SMARCA1: variants seen among roughly 807,000 people sequenced by gnomAD.
SMARCA1 encodes the protein SNF2 related chromatin remodeling ATPase 1.
A neutral mutation model predicts 93.6 loss-of-function variants in SMARCA1; 17 were observed. That is an observed-to-expected ratio of 0.18 (90% confidence interval 0.12 to 0.27). The LOEUF is 0.27. Among genes scored for constraint, SMARCA1 ranks in the 10% least tolerant of loss-of-function variants. The pLI is 1.00. For synonymous variants in SMARCA1, 271 were observed against 271.4 expected (o/e 1.00, Z 0.01); for missense variants, 630 against 819.0 (o/e 0.77, Z 2.82).
chrX:129,501,955 G>A (rs935182067), intron 9 of SMARCA1, among the ~76,000 whole-genome samples: 4 of 111,809 alleles, frequency 3.6e-5, no homozygotes, highest in African/African-American at 1.3e-4. Flanking sequence ...TTCCAAGTCT[G>A]CTGTGGAAAT....
chrX:129,502,501 G>C (rs1036620591), intron 9 of SMARCA1, among the ~76,000 whole-genome samples: 11 of 111,829 alleles, frequency 9.8e-5, no homozygotes, highest in Admixed American at 2.9e-4. Context: ...AGCGTACCCT[G>C]AATTCAGCAA....
rs760133031 is a variant in SMARCA1, at chrX:129,508,225, T to C, written c.811-129A>G. 9 of 433,251 alleles carry C rather than the reference T, an allele frequency of 2.1e-5. No individual in the cohort carries two copies. The Admixed American group carries it at 4.7e-4, about 23-fold the overall frequency. The allele number at this position is 433,251 out of a possible 1,213,427, so 35.7% of individuals were successfully genotyped here. A position where few individuals can be genotyped will look rare whatever the true frequency, so the allele number is the denominator to read the frequency against. ...AGACCCTGAGGATCATTTAGTTTCATCCATTTTAGAGATGGGAAAACTGAG... is the reference window on the plus strand; with the variant it reads ...AGACCCTGAGGATCATTTAGTTTCACCCATTTTAGAGATGGGAAAACTGAG... On this transcript the variant is annotated intron_variant, in intron 6 of 24. Transcript: ENST00000371121.
chrX:129,471,457 G>A (rs1222996232), intron 19 of SMARCA1, 131 bp from the exon 20 acceptor site: 4 of 419,641 alleles, frequency 9.5e-6, no homozygotes, highest in Admixed American at 4.4e-5. Flanking sequence ...AATGACACAC[G>A]GTCCTCTCCA....
chrX:129,486,663 A>G (rs2124264426), intron 17 of SMARCA1, among the ~76,000 whole-genome samples: 1 of 111,061 alleles, frequency 9.0e-6, no homozygotes, highest in East Asian at 2.8e-4. Context: ...AATTGAGAAT[A>G]CCCAGAGTCA....
intron 17 of SMARCA1, among the ~76,000 whole-genome samples, chrX:129,486,532 A>G (rs183709859): frequency 6.0e-4 from 67 of 111,984 alleles, no homozygotes; most frequent in Non-Finnish European, 1.2e-3. Context: ...TAATATTATT[A>G]TTCATACAGT....
intron 19 of SMARCA1, among the ~76,000 whole-genome samples, chrX:129,475,502 G>C (rs1352679801): frequency 9.0e-6 from 1 of 111,086 alleles, no homozygotes; most frequent in Non-Finnish European, 1.9e-5. Flanking sequence ...CTCAGCAAGA[G>C]AGTGAGACTC....
chrX:129,453,854 T>C (rs1394030459), intron 23 of SMARCA1, among the ~76,000 whole-genome samples: 1 of 111,659 alleles, frequency 9.0e-6, no homozygotes, highest in Non-Finnish European at 1.9e-5. Flanking sequence ...ATCGTGAAAA[T>C]GGCCATACTG....
intron 11 of SMARCA1, 123 bp downstream of exon 11, chrX:129,497,722 G>A: frequency 2.1e-6 from 1 of 472,081 alleles, no homozygotes; most frequent in East Asian, 3.7e-5. Flanking sequence ...ACAATTCCTG[G>A]CAAATGGTAA....
In SMARCA1 at chrX:129,498,088, T is replaced by C. The variant is rs1458259410; in HGVS notation, c.1278-17A>G. On this transcript the variant is annotated splice_polypyrimidine_tract_variant and intron_variant, in intron 10 of 24. Coordinates refer to ENST00000371121, the MANE Select transcript of SMARCA1 (RefSeq NM_001282874.2). The stretch of plus-strand genomic sequence containing the variant: ...TTTGTATACCTAAAAATTTAAACTA[T>C]AATTAATCATCAATTACTAGAAAGT... 5 of 928,244 alleles carry C rather than the reference T, an allele frequency of 5.4e-6. No individual in the cohort carries two copies. Among genetic ancestry groups the C allele is most frequent in the South Asian group, 2.0e-5 (1 of 49,956 alleles). The allele number at this position is 928,244 out of a possible 1,213,427, so 76.5% of individuals were successfully genotyped here.
intron 17 of SMARCA1, among the ~76,000 whole-genome samples, chrX:129,484,768 T>C (rs746226450): frequency 9.0e-6 from 1 of 111,434 alleles, no homozygotes; most frequent in East Asian, 2.8e-4. Flanking sequence ...TAAATACATA[T>C]AGATGGAATG....
chrX:129,515,583 T>C, intron 5 of SMARCA1, 104 bp downstream of exon 5: 1 of 541,510 alleles, frequency 1.8e-6, no homozygotes, highest in Non-Finnish European at 3.2e-6. Flanking sequence ...TAACAACTTT[T>C]AAAAAGCCTC....
At chrX:129,504,641 C>A in intron 9 of SMARCA1, 93 bp downstream of exon 9, 2 of 388,720 alleles carry the variant, frequency 5.1e-6, no homozygotes, top group Non-Finnish European at 8.4e-6. Flanking sequence ...AAGAGGCAAA[C>A]ACAAGTTCAA....
At chrX:129,481,773 C>T (rs992048526) in intron 17 of SMARCA1, among the ~76,000 whole-genome samples, 7 of 111,512 alleles carry the variant, frequency 6.3e-5, no homozygotes, top group South Asian at 3.8e-4. Flanking sequence ...GTCAGTGTGG[C>T]GATTCCTCAG....
At chrX:129,469,473 A>G (rs1477173599) in intron 20 of SMARCA1, among the ~76,000 whole-genome samples, 1 of 112,106 alleles carries the variant, frequency 8.9e-6, no homozygotes, top group Non-Finnish European at 1.9e-5. Flanking sequence ...CTAAAACATA[A>G]AACACTTTAG....
At chrX:129,504,604 A>G in intron 9 of SMARCA1, 130 bp downstream of exon 9, 1 of 229,675 alleles carries the variant, frequency 4.4e-6, no homozygotes, top group Non-Finnish European at 8.5e-6. Context: ...CAGAAAGGTT[A>G]GGAGGGAGAA....
chrX:129,455,917 G>C (rs1198778254), intron 23 of SMARCA1, among the ~76,000 whole-genome samples: 4 of 112,425 alleles, frequency 3.6e-5, no homozygotes, highest in Non-Finnish European at 7.5e-5. Context: ...GCTGCAGCAA[G>C]TTATCCAGAA....
chrX:129,492,122 A>C, intron 13 of SMARCA1, 29 bp from the exon 14 acceptor site: 1 of 915,075 alleles, frequency 1.1e-6, no homozygotes, highest in Non-Finnish European at 1.5e-6. Context: ...AAGGGATAGA[A>C]GAAAAAGAGA....
intron 23 of SMARCA1, 35 bp downstream of exon 23, chrX:129,465,485 A>C (rs1932887633): frequency 9.8e-7 from 1 of 1,023,674 alleles, no homozygotes; most frequent in African/African-American, 1.9e-5. Context: ...TCAAAATAAA[A>C]AGTTGGAGGA....
chrX:129,456,837 G>A (rs753573092), intron 23 of SMARCA1, among the ~76,000 whole-genome samples: 15 of 112,030 alleles, frequency 1.3e-4, no homozygotes, highest in Non-Finnish European at 2.4e-4. Context: ...TACTTGGGAA[G>A]GCATCTACTC....
Sources: allele counts gnomAD v4.1 joint callset (sites outside exome capture counted in the v4.1 genomes callset), GRCh38; gene constraint gnomAD v4.1.1; transcripts MANE v1.5; gene names NCBI Gene and HGNC (gene_info 2026-07-23, HGNC 2026-07-21).